Variants in ANKHD1 observed in about 807,000 individuals in gnomAD.
The protein encoded by ANKHD1 is ankyrin repeat and KH domain containing 1, also known as ankyrin repeat and KH domain-containing protein 1.
ANKHD1 carries 31 observed loss-of-function variants against 230.5 expected under a neutral mutation model. The observed-to-expected ratio is 0.13, with a 90% CI of 0.10 to 0.18. ANKHD1 has a LOEUF of 0.18. Ranked by LOEUF, ANKHD1 falls within the 10% of genes least tolerant of loss-of-function variation. The probability of loss-of-function intolerance (pLI) is 1.00; values close to 1 mark genes in which losing one functional copy is unlikely to be tolerated. For synonymous variants in ANKHD1, 1,074 were observed against 1,117.6 expected (o/e 0.96, Z 0.78); for missense variants, 2,256 against 3,071.3 (o/e 0.73, Z 6.27).
At chr5:140,457,589 C>T (rs1434139337) in intron 7 of ANKHD1, among the ~76,000 whole-genome samples, 1 of 152,050 alleles carries the variant, frequency 6.6e-6, no homozygotes, top group African/African-American at 2.4e-5. Flanking sequence ...TCATTCTCAG[C>T]AAACTATCAC....
chr5:140,442,734 A>T (rs2126925320), intron 5 of ANKHD1, among the ~76,000 whole-genome samples: 1 of 152,328 alleles, frequency 6.6e-6, no homozygotes, highest in East Asian at 1.9e-4. Context: ...AATGCTGAGA[A>T]GTAGGAAGAA....
At chr5:140,495,336 C>A (rs962519428) in intron 14 of ANKHD1, among the ~76,000 whole-genome samples, 5 of 151,754 alleles carry the variant, frequency 3.3e-5, no homozygotes, top group Middle Eastern at 6.8e-3. Flanking sequence ...AGCTCCGCCT[C>A]CCGGGTTCAC....
intron 15 of ANKHD1, among the ~76,000 whole-genome samples, chr5:140,501,944 G>A (rs1327043926): frequency 1.3e-5 from 2 of 151,338 alleles, no homozygotes; most frequent in African/African-American, 4.9e-5. Flanking sequence ...CTCTGCACCT[G>A]TAATCCTAGC....
At chr5:140,453,856 C>T (rs1481540962) in intron 7 of ANKHD1, among the ~76,000 whole-genome samples, 6 of 152,190 alleles carry the variant, frequency 3.9e-5, no homozygotes. Flanking sequence ...CAAATTCACA[C>T]ATAACAATAT....
intron 6 of ANKHD1, among the ~76,000 whole-genome samples, chr5:140,448,763 A>G (rs926144585): frequency 6.6e-6 from 1 of 152,130 alleles, no homozygotes; most frequent in Non-Finnish European, 1.5e-5. Context: ...CTTTTTATAT[A>G]TTCACTGTAT....
chr5:140,453,149 G>A (rs527985513), intron 7 of ANKHD1, among the ~76,000 whole-genome samples: 22 of 152,162 alleles, frequency 1.4e-4, no homozygotes, highest in African/African-American at 4.8e-4. Flanking sequence ...GAAATGAAGC[G>A]AGAAGTTTGG....
At chr5:140,508,087 A>G (rs1752611351) in intron 20 of ANKHD1, 89 bp downstream of exon 20, 2 of 1,430,680 alleles carry the variant, frequency 1.4e-6, no homozygotes, top group East Asian at 5.0e-5. Context: ...AATATTTTAA[A>G]TTATCATAAA....
chr5:140,525,168 G>T (rs1753546278), intron 25 of ANKHD1, among the ~76,000 whole-genome samples: 1 of 151,918 alleles, frequency 6.6e-6, no homozygotes, highest in South Asian at 2.1e-4. Context: ...GCTAGTATGT[G>T]TGTCCTATAC....
chr5:140,445,879 G>A lies in ANKHD1; in HGVS notation c.1051G>A (p.Val351Met), dbSNP rs767642298. ...AATGGAAGCAGCCAGTGCAGGTCAT[G>A]TGGAAGTTGCAAGAGTTCTTTTAGA... ...PLMEAASAGH[V>M]EVARVLLDHG... Residue 351 changes from valine (V) to methionine (M), a missense_variant, in exon 6 of 34, where the codon GTG (valine) becomes ATG (methionine). Val to Met is a conservative substitution (Grantham distance 21). Coordinates refer to ENST00000360839, the MANE Select transcript of ANKHD1 (RefSeq NM_017747.3). 1.9e-6 allele frequency: 3 copies of A among 1,613,790 alleles called. No individual in the cohort carries two copies. The South Asian group carries it at 3.3e-5, about 18-fold the overall frequency.
chr5:140,446,402 C>G (rs930343226), intron 6 of ANKHD1, among the ~76,000 whole-genome samples: 2 of 152,128 alleles, frequency 1.3e-5, no homozygotes, highest in African/African-American at 4.8e-5. Context: ...GCTCTGTCAC[C>G]CAGGCTGGAG....
chr5:140,429,727 G>T (rs1320191883), intron 1 of ANKHD1, among the ~76,000 whole-genome samples: 1 of 152,132 alleles, frequency 6.6e-6, no homozygotes, highest in Admixed American at 6.5e-5. Context: ...TACAGTCTGA[G>T]AGAAGTTAAT....
In ANKHD1 at chr5:140,508,014, T is replaced by A; in HGVS notation, c.3765+16T>A. On this transcript the variant is annotated intron_variant, in intron 20 of 33. Transcript: ENST00000360839. ...TAGGGCAAAGGTAAGCATTTTTTAC[T>A]TGTCAACTATTTCAGATACATTTCT... 6.2e-7 allele frequency: 1 copy of A among 1,600,556 alleles called. No individual in the cohort carries two copies. The highest frequency in any genetic ancestry group is 8.5e-7 in the Non-Finnish European group (1 of 1,170,568).
At chr5:140,410,217 A>G (rs1391650310) in intron 1 of ANKHD1, among the ~76,000 whole-genome samples, 1 of 152,122 alleles carries the variant, frequency 6.6e-6, no homozygotes, top group Non-Finnish European at 1.5e-5. Context: ...AACTATGTGT[A>G]TTTTCCCTAC....
At chr5:140,459,813 CTT>C (rs148828281) in intron 9 of ANKHD1, among the ~76,000 whole-genome samples, 266 of 152,150 alleles carry the variant, frequency 1.7e-3, no homozygotes, top group African/African-American at 4.7e-3. Context: ...TAGAAAAAGA[CTT>C]ATATTGCTTT....
In ANKHD1 at chr5:140,440,202, A is replaced by T; in HGVS notation, c.701A>T (p.His234Leu). 1 of 1,613,750 alleles carries T rather than the reference A, an allele frequency of 6.2e-7. No individual in the cohort carries two copies. The highest frequency in any genetic ancestry group is 8.5e-7 in the Non-Finnish European group (1 of 1,179,760). ...LLDEGRSVNE[H>L]TEEGESLLCL... ...GATGAAGGCAGAAGTGTAAATGAAC[A>T]TACAGAAGAAGGAGAAAGCCTGCTG... Residue 234 changes from histidine (H) to leucine (L), a missense_variant, in exon 4 of 34, where the codon CAT (histidine) becomes CTT (leucine). Around this residue, in one of 13 missense-constraint regions of ANKHD1, gnomAD observed 206 missense variants for 304.5 expected, o/e 0.68. Transcript: ENST00000360839.
At chr5:140,406,561 A>ATTT (rs1401314294) in intron 1 of ANKHD1, among the ~76,000 whole-genome samples, 1 of 141,068 alleles carries the variant, frequency 7.1e-6, no homozygotes, top group Non-Finnish European at 1.6e-5. Flanking sequence ...CTTTCAGTAC[A>ATTT]TTTTTTTTTT....
At chr5:140,537,021 C>CAAAA in intron 30 of ANKHD1, 1 of 70,550 alleles carries the variant, frequency 1.4e-5, no homozygotes, top group East Asian at 3.9e-4. Context: ...AATTCCGTCT[C>CAAAA]AAAAAAAAAA....
intron 2 of ANKHD1, among the ~76,000 whole-genome samples, chr5:140,437,599 G>C (rs1406263898): frequency 6.6e-6 from 1 of 152,126 alleles, no homozygotes; most frequent in Non-Finnish European, 1.5e-5. Context: ...CCAGCTACTC[G>C]AGAGGCTGAG....
Position 140,528,662 on chromosome 5 carries a change from A to G in ANKHD1, c.5716A>G (p.Lys1906Glu). The part of the protein sequence containing the change: ...VNPGNTNSSP[K>E]HNNTSRLPNQ... ...TCCTGGCAACACAAATAGCTCTCCA[A>G]AGCATAATAACACAAGCCGTCTACC... The change falls in exon 29 of 34, where the codon AAG becomes GAG. Residue 1906 changes from lysine to glutamate, a missense_variant. By Grantham distance (56) the Lys-to-Glu change is moderately conservative. Around this residue, in one of 13 missense-constraint regions of ANKHD1, gnomAD observed 778 missense variants for 966.5 expected, o/e 0.80. Coordinates refer to ENST00000360839, the MANE Select transcript of ANKHD1 (RefSeq NM_017747.3). The G allele has an allele frequency of 6.2e-7, 1 of 1,614,092 alleles. No homozygotes were observed. Among genetic ancestry groups the G allele is most frequent in the Non-Finnish European group, 8.5e-7 (1 of 1,180,022 alleles).
Sources: gnomAD v4.1 joint callset for allele counts (sites outside exome capture counted in the v4.1 genomes callset) on GRCh38, gnomAD v4.1.1 for gene constraint, gnomAD v4.1.1 regional missense constraint, MANE v1.5 for transcripts, NCBI Gene and HGNC (gene_info 2026-07-23, HGNC 2026-07-21) for gene names.